NTM: variants seen among roughly 807,000 people sequenced by gnomAD.
NTM encodes IgLON family member 2.
Under a neutral mutation model 42.1 loss-of-function variants are expected in NTM, and 13 were observed. The ratio of observed to expected loss-of-function variants is 0.31; its 90% CI spans 0.20 to 0.49. NTM has a LOEUF of 0.49. NTM is among the 20% of genes least tolerant of loss of function. The pLI, the probability that NTM is intolerant of heterozygous loss-of-function variation, is 0.99. For missense variants in NTM, 373 were observed against 452.8 expected, an observed-to-expected ratio of 0.82 and a Z score of 1.60; for synonymous variants, 187 against 179.2, an observed-to-expected ratio of 1.04 and a Z score of -0.35.
chr11:131,828,079 A>G (rs894847496), intron 1 of NTM, among the ~76,000 whole-genome samples: 3 of 152,108 alleles, frequency 2.0e-5, no homozygotes, highest in Non-Finnish European at 4.4e-5. Context: ...TGTGACCTTG[A>G]AAAGCTATTA....
chr11:132,141,075 G>GT (rs1390171342), intron 2 of NTM: 1 of 152,220 alleles, frequency 6.6e-6, no homozygotes, highest in African/African-American at 2.4e-5. Context: ...AGGCAGGTGT[G>GT]TTTAAGAAAG....
At chr11:131,798,264 T>C (rs914469334) in intron 1 of NTM, among the ~76,000 whole-genome samples, 7 of 152,166 alleles carry the variant, frequency 4.6e-5, no homozygotes, top group African/African-American at 1.7e-4. Context: ...ATCTGTCTGC[T>C]CCTCTTCCCA....
chr11:132,296,433 G>A (rs536932018), intron 4 of NTM, among the ~76,000 whole-genome samples: 5 of 152,038 alleles, frequency 3.3e-5, no homozygotes, highest in South Asian at 2.1e-4. Context: ...TATTTCCCAC[G>A]TGTTAATCAT....
At chr11:131,691,691 G>T (rs370300872) in intron 1 of NTM, among the ~76,000 whole-genome samples, 1 of 152,170 alleles carries the variant, frequency 6.6e-6, no homozygotes, top group South Asian at 2.1e-4. Context: ...CCGCGCTCCC[G>T]CTCGGCCCCG....
At chr11:132,118,488 A>G (rs900455199) in intron 2 of NTM, among the ~76,000 whole-genome samples, 1 of 152,254 alleles carries the variant, frequency 6.6e-6, no homozygotes, top group African/African-American at 2.4e-5. Flanking sequence ...AGGTGTTTTC[A>G]TCGCAATCGC....
At chr11:132,090,953 G>C (rs995884052) in intron 2 of NTM, among the ~76,000 whole-genome samples, 5 of 152,144 alleles carry the variant, frequency 3.3e-5, no homozygotes, top group African/African-American at 1.2e-4. Context: ...CTCTGTCCCT[G>C]TTTTTCTATT....
At chr11:131,691,840 A>G (rs1203672297) in intron 1 of NTM, among the ~76,000 whole-genome samples, 5 of 152,232 alleles carry the variant, frequency 3.3e-5, no homozygotes, top group African/African-American at 9.6e-5. Context: ...TTCGTGTGTC[A>G]TGTTACTCAT....
intron 1 of NTM, among the ~76,000 whole-genome samples, chr11:131,712,542 C>T (rs1006135076): frequency 7.2e-5 from 11 of 152,054 alleles, no homozygotes; most frequent in African/African-American, 2.7e-4. Context: ...GTTTTCTTCC[C>T]CTTCTCTTCC....
chr11:131,502,068 G>A (rs2046901702), intron 1 of NTM, among the ~76,000 whole-genome samples: 2 of 152,240 alleles, frequency 1.3e-5, no homozygotes, highest in East Asian at 1.9e-4. Context: ...GTATTAAAGT[G>A]CCCAACTAGA....
At position 132,023,858 on chromosome 11, in the gene NTM, G is replaced by T. The variant is rs990129489; in HGVS notation, c.167+112210G>T. On this transcript the variant is annotated intron_variant, in intron 2 of 8. Transcript: ENST00000683400. The stretch of plus-strand genomic sequence containing the variant: ...TGTTGAGATGGAGTCTCACTCTGTC[G>T]CCCAGGCTGGAGTGCAGTGGCGCGA... Among the ~76,000 whole-genome samples the T allele has an allele frequency of 4.0e-5, 6 of 151,648 alleles. No homozygotes were observed. In the East Asian group the frequency reaches 9.7e-4, roughly 25 times the overall value.
chr11:131,490,900 C>T (rs1954704586), intron 1 of NTM, among the ~76,000 whole-genome samples: 1 of 152,214 alleles, frequency 6.6e-6, no homozygotes, highest in South Asian at 2.1e-4. Flanking sequence ...CACATCCTGT[C>T]TATGCATATT....
At chr11:132,312,868 G>C (rs948097126) in intron 6 of NTM, 2 of 153,148 alleles carry the variant, frequency 1.3e-5, no homozygotes, top group Admixed American at 6.5e-5. Context: ...CTGCACAGCC[G>C]GATGCCTCAT....
At chr11:131,996,456 T>A (rs554533086) in intron 2 of NTM, among the ~76,000 whole-genome samples, 1 of 152,314 alleles carries the variant, frequency 6.6e-6, no homozygotes, top group East Asian at 1.9e-4. Flanking sequence ...TGCAGTTCCC[T>A]CTACCTGAAA....
At chr11:132,132,041 A>ACT (rs2066912877) in intron 2 of NTM, among the ~76,000 whole-genome samples, 1 of 152,204 alleles carries the variant, frequency 6.6e-6, no homozygotes, top group African/African-American at 2.4e-5. Flanking sequence ...GGACTTAGAT[A>ACT]ATTATTTGCC....
At chr11:132,306,785 G>A (rs944603756) in intron 4 of NTM, among the ~76,000 whole-genome samples, 2 of 152,116 alleles carry the variant, frequency 1.3e-5, no homozygotes, top group African/African-American at 4.8e-5. Context: ...CCTAACTTTT[G>A]TTTTTCATTG....
At chr11:132,059,739 C>G (rs1380255466) in intron 2 of NTM, among the ~76,000 whole-genome samples, 1 of 151,772 alleles carries the variant, frequency 6.6e-6, no homozygotes, top group South Asian at 2.1e-4. Context: ...CACACCACCC[C>G]CCATCACCCC....
At chr11:131,578,719 A>T (rs763039711) in intron 1 of NTM, among the ~76,000 whole-genome samples, 10 of 152,144 alleles carry the variant, frequency 6.6e-5, no homozygotes, top group Non-Finnish European at 1.2e-4. Flanking sequence ...GCATCTATGG[A>T]CTATATTTGT....
At chr11:131,956,178 A>T (rs1348448499) in intron 2 of NTM, among the ~76,000 whole-genome samples, 1 of 152,168 alleles carries the variant, frequency 6.6e-6, no homozygotes, top group Non-Finnish European at 1.5e-5. Context: ...AGGCGCAGAG[A>T]CGTGGGGAAT....
At chr11:132,282,919 A>G (rs1387715253) in intron 4 of NTM, among the ~76,000 whole-genome samples, 2 of 150,550 alleles carry the variant, frequency 1.3e-5, no homozygotes, top group Non-Finnish European at 3.0e-5. Context: ...CTTTATCAAC[A>G]TGTGTTCATA....
Sources: gnomAD v4.1 joint callset for allele counts (sites outside exome capture counted in the v4.1 genomes callset) on GRCh38, gnomAD v4.1.1 for gene constraint, MANE v1.5 for transcripts, NCBI Gene and HGNC (gene_info 2026-07-23, HGNC 2026-07-21) for gene names.